Variants in ATP2B2 observed in about 807,000 individuals in gnomAD.
The protein encoded by ATP2B2 is plasma membrane calcium-transporting ATPase 2.
Under a neutral mutation model 120.0 loss-of-function variants are expected in ATP2B2, and 15 were observed. That is an observed-to-expected ratio of 0.12 (90% CI 0.08 to 0.19). The LOEUF (loss-of-function observed/expected upper bound fraction) is 0.19. Among genes scored for constraint, ATP2B2 ranks in the 10% least tolerant of loss-of-function variants. ATP2B2 has a pLI of 1.00. For missense variants in ATP2B2, 1,045 were observed against 1,719.8 expected, an observed-to-expected ratio of 0.61 and a Z score of 6.94; for synonymous variants, 694 against 700.3, an observed-to-expected ratio of 0.99 and a Z score of 0.14.
At chr3:10,407,332 G>A (rs997035786) in intron 3 of ATP2B2, among the ~76,000 whole-genome samples, 4 of 152,216 alleles carry the variant, frequency 2.6e-5, no homozygotes, top group African/African-American at 7.2e-5. Flanking sequence ...TGGTGAAGCC[G>A]GTGGTGGAAG....
chr3:10,646,785 A>G (rs2070332252), intron 1 of ATP2B2, among the ~76,000 whole-genome samples: 1 of 152,190 alleles, frequency 6.6e-6, no homozygotes. Context: ...TTGTGTGTTT[A>G]TTGAGCATCT....
At chr3:10,513,892 G>T (rs146436072) in intron 3 of ATP2B2, among the ~76,000 whole-genome samples, 367 of 152,196 alleles carry the variant, frequency 2.4e-3, no homozygotes, top group African/African-American at 8.6e-3. Flanking sequence ...ATAGAACCTG[G>T]TTTTTTCCCA....
In ATP2B2 at chr3:10,683,748, A is replaced by ATGTGTG. The variant is rs372159079; in HGVS notation, c.-460+24161_-460+24166dup. Among the ~76,000 whole-genome samples, 301 of 57,230 alleles carry ATGTGTG rather than the reference A, an allele frequency of 5.3e-3. 14 individuals carry two copies. The highest frequency in any genetic ancestry group is 0.015 in the African/African-American group (218 of 14,322). The allele number at this position is 57,230 out of a possible 152,430, so 37.5% of individuals were successfully genotyped here. A position where few individuals can be genotyped will look rare whatever the true frequency, so the allele number is the denominator to read the frequency against. ...TGTGTGTATATATATGTGTATATATATGTGTGTGTGTGTATATATATATAT... is the reference window on the plus strand; with the variant it reads ...TGTGTGTATATATATGTGTATATATATGTGTGTGTGTGTGTGTGTATATATATATAT... On this transcript the variant is annotated intron_variant, in intron 1 of 21. Coordinates refer to the ATP2B2 transcript ENST00000646379.
chr3:10,371,000 A>T (rs997076629), intron 12 of ATP2B2, among the ~76,000 whole-genome samples: 1 of 152,216 alleles, frequency 6.6e-6, no homozygotes, highest in African/African-American at 2.4e-5. Context: ...GAATAATATT[A>T]CTACTATTAG....
intron 1 of ATP2B2, among the ~76,000 whole-genome samples, chr3:10,657,807 G>T (rs550943750): frequency 2.0e-5 from 3 of 152,304 alleles, no homozygotes; most frequent in Non-Finnish European, 4.4e-5. Flanking sequence ...TCCTCAAGTG[G>T]GTCCCTGACC....
chr3:10,345,303 T>C, intron 18 of ATP2B2, 81 bp downstream of exon 18: 2 of 1,511,874 alleles, frequency 1.3e-6, no homozygotes, highest in East Asian at 2.3e-5. Context: ...AGGGACAACC[T>C]GGAGTACCCT....
chr3:10,440,880 G>T (rs1184073322), intron 2 of ATP2B2, among the ~76,000 whole-genome samples: 1 of 152,220 alleles, frequency 6.6e-6, no homozygotes, highest in East Asian at 1.9e-4. Context: ...TGTAAGCTGG[G>T]ATGATGACAG....
chr3:10,603,123 T>C (rs1448909037), intron 2 of ATP2B2, among the ~76,000 whole-genome samples: 1 of 152,252 alleles, frequency 6.6e-6, no homozygotes, highest in African/African-American at 2.4e-5. Context: ...CATCCAGCCC[T>C]GGTGACCCCG....
upstream of ATP2B2, among the ~76,000 whole-genome samples, chr3:10,509,746 C>A (rs574641304): frequency 6.6e-6 from 1 of 152,302 alleles, no homozygotes; most frequent in African/African-American, 2.4e-5. Flanking sequence ...CACATGGAAG[C>A]CTCGCATCCA....
chr3:10,345,967 C>T, intron 17 of ATP2B2, 64 bp downstream of exon 17: 2 of 1,500,166 alleles, frequency 1.3e-6, no homozygotes, highest in South Asian at 2.4e-5. Flanking sequence ...GTAGCCAGCC[C>T]AAGGTTGTGT....
intron 1 of ATP2B2, among the ~76,000 whole-genome samples, chr3:10,461,497 C>T (rs60142420): frequency 1.3e-5 from 2 of 152,198 alleles, no homozygotes; most frequent in South Asian, 2.1e-4. Flanking sequence ...TCTCTCCTTC[C>T]TCTCCTGATA....
intron 2 of ATP2B2, among the ~76,000 whole-genome samples, chr3:10,605,735 G>A (rs1435097914): frequency 2.7e-5 from 4 of 150,906 alleles, no homozygotes; most frequent in African/African-American, 4.9e-5. Context: ...TGCAACCTCC[G>A]CCTCCCGGGT....
chr3:10,490,078 C>T (rs1487932494), intron 1 of ATP2B2, among the ~76,000 whole-genome samples: 1 of 152,226 alleles, frequency 6.6e-6, no homozygotes, highest in Non-Finnish European at 1.5e-5. Flanking sequence ...CTCGTGGGGC[C>T]CTCTTGAGGT....
chr3:10,561,814 G>C (rs1165283132), intron 2 of ATP2B2, among the ~76,000 whole-genome samples: 2 of 152,166 alleles, frequency 1.3e-5, no homozygotes, highest in African/African-American at 4.8e-5. Context: ...CAGTCATGTG[G>C]AACTGTAAGT....
At chr3:10,365,286 A>G (rs1021247209) in intron 12 of ATP2B2, among the ~76,000 whole-genome samples, 2 of 152,252 alleles carry the variant, frequency 1.3e-5, no homozygotes, top group Admixed American at 6.5e-5. Flanking sequence ...TAGGGCCTCC[A>G]GTGAACATCT....
intron 18 of ATP2B2, among the ~76,000 whole-genome samples, chr3:10,344,259 T>C (rs2060365542): frequency 6.6e-6 from 1 of 152,202 alleles, no homozygotes. Flanking sequence ...TCAGTTTCCC[T>C]ATCTGGCATC....
chr3:10,483,946 C>T (rs1343739794), intron 1 of ATP2B2, among the ~76,000 whole-genome samples: 2 of 152,184 alleles, frequency 1.3e-5, no homozygotes, highest in African/African-American at 4.8e-5. Context: ...AGGGGTCTCC[C>T]CTCGAGGGAT....
Position 10,449,703 on chromosome 3 carries a change from G to A in ATP2B2, c.-160C>T, listed in dbSNP as rs145557491. The stretch of plus-strand genomic sequence containing the variant: ...CCCGGGGGGTGGGGGTGGCCGAGGC[G>A]GGCTGGTGACAGTGGTGGTGAGCTC... On this transcript the variant is annotated 5_prime_UTR_variant, in exon 2 of 23. Transcript: ENST00000360273. 1,474 of 822,954 alleles carry A rather than the reference G, an allele frequency of 1.8e-3. 6 individuals are homozygous for A. The highest frequency in any genetic ancestry group is 1.8e-3 in the Non-Finnish European group (869 of 495,684). 51.0% of individuals were successfully genotyped at this position (822,954 alleles called of 1,614,324 possible).
At chr3:10,630,781 GAGAGGTA>G (rs1480680414) in intron 1 of ATP2B2, among the ~76,000 whole-genome samples, 1 of 148,630 alleles carries the variant, frequency 6.7e-6, no homozygotes, top group African/African-American at 2.5e-5. Flanking sequence ...TCTCCAAACT[GAGAGGTA>G]GGTAGTGCTA....
Sources: gnomAD v4.1 joint callset for allele counts (sites outside exome capture counted in the v4.1 genomes callset) on GRCh38, gnomAD v4.1.1 for gene constraint, MANE v1.5 for transcripts, NCBI Gene and HGNC (gene_info 2026-07-23, HGNC 2026-07-21) for gene names.